Variants in SLC38A8 observed in about 807,000 individuals in gnomAD.
The protein encoded by SLC38A8 is solute carrier family 38 member 8.
Under a neutral mutation model 46.0 loss-of-function variants are expected in SLC38A8, and 65 were observed. The ratio of observed to expected loss-of-function variants is 1.41; its 90% CI spans 1.16 to 1.74. The LOEUF is 1.74. SLC38A8 is among the 40% of genes most tolerant of loss of function. The probability of loss-of-function intolerance (pLI) is 0.00; values close to 1 mark genes in which losing one functional copy is unlikely to be tolerated. For synonymous variants in SLC38A8, 447 were observed against 243.7 expected (o/e 1.83, Z -7.77); for missense variants, 998 against 567.9 (o/e 1.76, Z -7.70).
intron 6 of SLC38A8, among the ~76,000 whole-genome samples, chr16:84,028,829 C>T (rs80316654): frequency 0.031 from 4,724 of 152,202 alleles, 258 homozygotes; most frequent in African/African-American, 0.11. Context: ...ACCTGGGGTG[C>T]GCTTCCAGTC....
At chr16:84,031,383 T>C (rs1024673399) in intron 5 of SLC38A8, among the ~76,000 whole-genome samples, 1 of 152,184 alleles carries the variant, frequency 6.6e-6, no homozygotes, top group Non-Finnish European at 1.5e-5. Context: ...ACATCCCTGC[T>C]GTACTCAAAA....
intron 3 of SLC38A8, among the ~76,000 whole-genome samples, chr16:84,035,819 C>G (rs1484544545): frequency 6.6e-6 from 1 of 152,236 alleles, no homozygotes; most frequent in Non-Finnish European, 1.5e-5. Context: ...ATAGGCTAAT[C>G]TGCAATCGCA....
At chr16:84,013,077 C>T in intron 9 of SLC38A8, 25 bp from the exon 10 acceptor site, 1 of 1,613,792 alleles carries the variant, frequency 6.2e-7, no homozygotes, top group South Asian at 1.1e-5. Context: ...GGGTCACCCA[C>T]AGTTCTTCGT....
rs767399460 is a variant in SLC38A8, at chr16:84,042,050, G to C, written c.108C>G (p.Ser36=). The change falls in exon 2 of 11, where the codon TCC becomes TCG. Residue 36 remains serine, a synonymous_variant. Coordinates refer to ENST00000299709, the MANE Select transcript of SLC38A8 (RefSeq NM_001080442.3). ...SMGAVFILMK[S]ALGAGLLNFP... is the part of the protein sequence containing the mutation. ...AGTTGAGCAGGCCAGCTCCCAGCGC[G>C]GACTTCATGAGGATGAAGACAGCGC... The C allele has an allele frequency of 6.2e-7, 1 of 1,613,948 alleles. No individual in the cohort carries two copies. The highest frequency in any genetic ancestry group is 8.5e-7 in the Non-Finnish European group (1 of 1,179,976).
Position 84,036,719 on chromosome 16 carries a change from C to T in SLC38A8, c.371G>A (p.Gly124Glu). 1.2e-6 allele frequency: 2 copies of T among 1,614,190 alleles called. No homozygotes were observed. Among genetic ancestry groups the T allele is most frequent in the Non-Finnish European group, 1.7e-6 (2 of 1,180,038 alleles). ...GTACTTACGCTTCTCCAGCTGGTCC[C>T]CGATCACCCTGAGGAAGGCCACGGA... ...MISVAFLRVI[G>E]DQLEKLCDSL... Residue 124 changes from glycine to glutamate, a missense_variant, in exon 3 of 11, where the codon GGG becomes GAG. Transcript: ENST00000299709.
intron 7 of SLC38A8, among the ~76,000 whole-genome samples, chr16:84,021,262 A>C (rs534213237): frequency 5.3e-5 from 8 of 152,058 alleles, no homozygotes; most frequent in Non-Finnish European, 1.2e-4. Context: ...ATGCGGTTTT[A>C]CCATGTTTCA....
Position 84,033,460 on chromosome 16 carries a change from G to A in SLC38A8, c.398C>T (p.Ser133Phe), listed in dbSNP as rs775462704. Reference sequence around the variant, plus strand: ...GGCGGGCGGGGTGCCAGACAGGAGGGAGTCACACACTGCCAGAGACACGGG... The same window carrying A: ...GGCGGGCGGGGTGCCAGACAGGAGGAAGTCACACACTGCCAGAGACACGGG... ...IGDQLEKLCD[S>F]LLSGTPPAPQ... Residue 133 changes from serine to phenylalanine, a missense_variant, in exon 4 of 11, where the codon TCC becomes TTC. Physicochemically the swap from Ser to Phe is radical, Grantham distance 155. Transcript: ENST00000299709. 3.1e-6 allele frequency: 5 copies of A among 1,605,328 alleles called. No individual in the cohort carries two copies. The highest frequency in any genetic ancestry group is 3.4e-5 in the Admixed American group (2 of 59,294).
At chr16:84,026,283 A>T (rs1284787930) in intron 6 of SLC38A8, among the ~76,000 whole-genome samples, 2 of 152,168 alleles carry the variant, frequency 1.3e-5, no homozygotes, top group Non-Finnish European at 2.9e-5. Context: ...AGGCTGGAGT[A>T]CAGTTGCATG....
chr16:84,043,264 G>A (rs1472197874), upstream of SLC38A8, among the ~76,000 whole-genome samples: 2 of 152,188 alleles, frequency 1.3e-5, no homozygotes, highest in East Asian at 1.9e-4. Flanking sequence ...AAACTGATAC[G>A]GGGTCAGCTA....
rs1597243798 is a variant in SLC38A8, at chr16:84,009,944, A to T, written c.1215-67T>A. 21 of 1,425,332 alleles carry T rather than the reference A, an allele frequency of 1.5e-5. No individual in the cohort carries two copies. The East Asian group carries it at 3.0e-4, about 20-fold the overall frequency. 88.3% of individuals were successfully genotyped at this position (1,425,332 alleles called of 1,614,324 possible). ...TTGCACAAATAAGCCACACACACAT[A>T]AAAAATTCACTATGTAGAGCCCAGT... On this transcript the variant is annotated intron_variant, in intron 10 of 10. Coordinates refer to ENST00000299709, the MANE Select transcript of SLC38A8 (RefSeq NM_001080442.3).
At chr16:84,010,702 C>G (rs1296385843) in intron 10 of SLC38A8, among the ~76,000 whole-genome samples, 1 of 152,134 alleles carries the variant, frequency 6.6e-6, no homozygotes, top group Non-Finnish European at 1.5e-5. Context: ...CAAGATTGCA[C>G]CACTGCACTC....
chr16:84,037,654 A>C (rs192707565), intron 2 of SLC38A8, among the ~76,000 whole-genome samples: 55 of 151,934 alleles, frequency 3.6e-4, no homozygotes, highest in African/African-American at 1.3e-3. Context: ...CCAGCTACTC[A>C]TGAGGCTGAG....
At chr16:84,033,194 A>ATTTTTTT in intron 4 of SLC38A8, 134 bp downstream of exon 4, 3 of 1,192,068 alleles carry the variant, frequency 2.5e-6, no homozygotes, top group Admixed American at 2.2e-5. Context: ...TACTTGTATA[A>ATTTTTTT]TTTTTTTTTC....
chr16:84,028,363 T>C (rs1466749538), intron 6 of SLC38A8, among the ~76,000 whole-genome samples: 2 of 151,910 alleles, frequency 1.3e-5, no homozygotes, highest in Admixed American at 1.3e-4. Flanking sequence ...GGCAGATCGC[T>C]TGACGTCAGG....
chr16:84,010,669 G>A lies in SLC38A8; in HGVS notation c.1215-792C>T, dbSNP rs564532191. Among the ~76,000 whole-genome samples the A allele has an allele frequency of 5.3e-5, 8 of 152,258 alleles. No individual in the cohort carries two copies. In the South Asian group the frequency reaches 6.2e-4, roughly 12 times the overall value. ...GGCTGAGGCAGAATTGCTTGAACCC[G>A]GGAGGCAGAGGTCGCAGTGAGCCAA... is the stretch of plus-strand genomic sequence containing the variant. On this transcript the variant is annotated intron_variant, in intron 10 of 10. Transcript: ENST00000299709.
chr16:84,042,248 G>T (rs1416815707), intron 1 of SLC38A8, 89 bp from the exon 2 acceptor site: 1 of 1,423,582 alleles, frequency 7.0e-7, no homozygotes, highest in Non-Finnish European at 9.4e-7. Flanking sequence ...CCCCAACTCA[G>T]TGAGAGCTCC....
At chr16:84,030,849 C>T (rs903297436) in intron 5 of SLC38A8, among the ~76,000 whole-genome samples, 13 of 150,986 alleles carry the variant, frequency 8.6e-5, no homozygotes, top group African/African-American at 3.1e-4. Flanking sequence ...GTAGGGGTCG[C>T]ACACCCACGA....
intron 7 of SLC38A8, among the ~76,000 whole-genome samples, chr16:84,022,110 T>C (rs1879198732): frequency 6.6e-6 from 1 of 152,190 alleles, no homozygotes; most frequent in Admixed American, 6.5e-5. Context: ...CAACCTGAGT[T>C]TTTAAGAGGA....
At position 84,016,499 on chromosome 16, in the gene SLC38A8, C is replaced by G. The variant is rs1427301309; in HGVS notation, c.1162+20G>C. 3.1e-6 allele frequency: 5 copies of G among 1,610,558 alleles called. No individual in the cohort carries two copies. The South Asian group carries it at 4.4e-5, about 14-fold the overall frequency. The stretch of plus-strand genomic sequence containing the variant: ...AGGGAAGAACAAGTGGGCAGAAAGC[C>G]TGGAAAGCAGGGGCCTCACCTGGGA... On this transcript the variant is annotated intron_variant, in intron 9 of 10. Coordinates refer to ENST00000299709, the MANE Select transcript of SLC38A8 (RefSeq NM_001080442.3).
Sources: allele counts gnomAD v4.1 joint callset (sites outside exome capture counted in the v4.1 genomes callset), GRCh38; gene constraint gnomAD v4.1.1; transcripts MANE v1.5; gene names NCBI Gene and HGNC (gene_info 2026-07-23, HGNC 2026-07-21).